Variants in SLC2A9 observed in about 807,000 individuals in gnomAD.
SLC2A9 encodes solute carrier family 2, facilitated glucose transporter member 9.
A neutral mutation model predicts 50.6 loss-of-function variants in SLC2A9; 39 were observed. The observed-to-expected ratio is 0.77, with a 90% confidence interval of 0.60 to 1.01. The LOEUF is 1.01. Ranked by LOEUF, SLC2A9 falls within the 50% of genes least tolerant of loss-of-function variation. The pLI, the probability that SLC2A9 is intolerant of heterozygous loss-of-function variation, is 0.00. For synonymous variants in SLC2A9, 324 were observed against 276.9 expected (o/e 1.17, Z -1.69); for missense variants, 686 against 677.6 (o/e 1.01, Z -0.14).
At chr4:9,819,059 C>T (rs1031473432) in intron 3 of SLC2A9, among the ~76,000 whole-genome samples, 1 of 137,790 alleles carries the variant, frequency 7.3e-6, no homozygotes, top group African/African-American at 2.8e-5. Context: ...GTGGAGCTGG[C>T]AGTGAGCCAA....
At chr4:9,901,703 G>A (rs988428051) in intron 8 of SLC2A9, among the ~76,000 whole-genome samples, 5 of 151,352 alleles carry the variant, frequency 3.3e-5, no homozygotes, top group Admixed American at 6.6e-5. Context: ...CCCCTCAAGC[G>A]GCAGCCACAT....
intron 10 of SLC2A9, among the ~76,000 whole-genome samples, chr4:9,858,168 G>T (rs1731024730): frequency 6.6e-6 from 1 of 152,198 alleles, no homozygotes; most frequent in Non-Finnish European, 1.5e-5. Context: ...GATCTGCATA[G>T]GGAAGCACTG....
chr4:9,816,024 G>A (rs949085057), intron 3 of SLC2A9, among the ~76,000 whole-genome samples: 2 of 151,976 alleles, frequency 1.3e-5, no homozygotes, highest in African/African-American at 4.8e-5. Context: ...ACAAAAATTA[G>A]CCGGGCATGG....
At chr4:9,887,437 C>A (rs1324986008) in intron 10 of SLC2A9, 130 bp downstream of exon 10, 3 of 833,316 alleles carry the variant, frequency 3.6e-6, no homozygotes, top group East Asian at 6.0e-5. Flanking sequence ...AGAAAGGCAG[C>A]AGACACACAT....
chr4:10,029,052 A>C (rs1030648513), intron 1 of SLC2A9: 3 of 152,258 alleles, frequency 2.0e-5, no homozygotes, highest in African/African-American at 7.2e-5. Context: ...CCTTCCAGTC[A>C]TCCAAGTCCA....
intron 11 of SLC2A9, among the ~76,000 whole-genome samples, chr4:9,832,539 A>G (rs570468790): frequency 1.3e-5 from 2 of 152,314 alleles, no homozygotes; most frequent in East Asian, 3.9e-4. Context: ...ATGACCCCTG[A>G]AAACCCAGAC....
At chr4:9,840,093 G>A (rs1042450622) in intron 10 of SLC2A9, among the ~76,000 whole-genome samples, 9 of 152,132 alleles carry the variant, frequency 5.9e-5, no homozygotes, top group Admixed American at 1.3e-4. Context: ...CTTGTGGAAG[G>A]TAAGTAATTT....
upstream of SLC2A9, among the ~76,000 whole-genome samples, chr4:10,024,251 A>G (rs1763679604): frequency 6.6e-6 from 1 of 152,174 alleles, no homozygotes; most frequent in Non-Finnish European, 1.5e-5. Flanking sequence ...CACTGTGGGC[A>G]GGGATGGTGT....
intron 3 of SLC2A9, among the ~76,000 whole-genome samples, chr4:9,993,683 C>T (rs1004152767): frequency 6.6e-6 from 1 of 152,038 alleles, no homozygotes; most frequent in Non-Finnish European, 1.5e-5. Flanking sequence ...GGTCCTGTCA[C>T]TATGGTCATG....
intron 2 of SLC2A9, among the ~76,000 whole-genome samples, chr4:10,004,195 C>A (rs1194618035): frequency 6.6e-6 from 1 of 152,210 alleles, no homozygotes; most frequent in Non-Finnish European, 1.5e-5. Flanking sequence ...TTGGATATCT[C>A]ATCTCATTCA....
At chr4:9,930,208 C>G (rs1430687289) in intron 6 of SLC2A9, among the ~76,000 whole-genome samples, 2 of 152,084 alleles carry the variant, frequency 1.3e-5, no homozygotes, top group African/African-American at 4.8e-5. Flanking sequence ...AGACACTCAT[C>G]ATGCTCTCTG....
chr4:9,985,631 T>A, intron 4 of SLC2A9, 38 bp downstream of exon 4: 1 of 1,613,266 alleles, frequency 6.2e-7, no homozygotes, highest in Non-Finnish European at 8.5e-7. Flanking sequence ...CCCCAAGGAG[T>A]ATGTTACTGT....
intron 3 of SLC2A9, among the ~76,000 whole-genome samples, chr4:9,790,614 G>C (rs1719788105): frequency 6.6e-6 from 1 of 152,172 alleles, no homozygotes; most frequent in African/African-American, 2.4e-5. Flanking sequence ...GGTGGGGGAT[G>C]TGTGAATGTT....
chr4:9,811,540 G>C (rs1327865705), intron 3 of SLC2A9, among the ~76,000 whole-genome samples: 1 of 152,100 alleles, frequency 6.6e-6, no homozygotes, highest in Non-Finnish European at 1.5e-5. Flanking sequence ...AGCCATTCTA[G>C]CCATCCCAGT....
In SLC2A9 at chr4:9,986,326, C is replaced by A. The variant is rs541759509; in HGVS notation, c.411-533G>T. ...CCACTGGACTGTTTCCTCTGAGGAG[C>A]AATATGATTCTGGTTCTGGAAATGG... On this transcript the variant is annotated intron_variant, in intron 3 of 11. Coordinates refer to ENST00000264784, the MANE Select transcript of SLC2A9 (RefSeq NM_020041.3). Among the ~76,000 whole-genome samples, 3 of 152,268 alleles carry A rather than the reference C, an allele frequency of 2.0e-5. No homozygotes were observed. The South Asian group carries it at 6.2e-4, about 32-fold the overall frequency.
intron 2 of SLC2A9, among the ~76,000 whole-genome samples, chr4:10,010,777 C>A (rs954258961): frequency 6.6e-5 from 10 of 152,214 alleles, no homozygotes; most frequent in African/African-American, 2.4e-4. Flanking sequence ...ACTGTCCCGC[C>A]CACCTCACCT....
chr4:9,953,254 C>A (rs532608999), intron 5 of SLC2A9, among the ~76,000 whole-genome samples: 2 of 152,334 alleles, frequency 1.3e-5, no homozygotes, highest in East Asian at 3.9e-4. Context: ...AGGTAGAGAA[C>A]CAAAGCCCAG....
intron 10 of SLC2A9, among the ~76,000 whole-genome samples, chr4:9,870,786 G>C (rs1733300104): frequency 6.6e-6 from 1 of 152,240 alleles, no homozygotes; most frequent in Admixed American, 6.5e-5. Context: ...TGTGCCATGA[G>C]ATGTGGCCCA....
chr4:9,962,208 C>A (rs1465605464), intron 5 of SLC2A9, among the ~76,000 whole-genome samples: 1 of 150,532 alleles, frequency 6.6e-6, no homozygotes, highest in Non-Finnish European at 1.5e-5. Context: ...CCAGCAATCC[C>A]ATTACTGGGT....
Sources: allele counts gnomAD v4.1 joint callset (sites outside exome capture counted in the v4.1 genomes callset), GRCh38; gene constraint gnomAD v4.1.1; transcripts MANE v1.5; gene names NCBI Gene and HGNC (gene_info 2026-07-23, HGNC 2026-07-21).